MAML3: variants seen among roughly 807,000 people sequenced by gnomAD.
MAML3 encodes the protein mastermind like transcriptional coactivator 3.
MAML3 carries 27 observed loss-of-function variants against 101.9 expected under a neutral mutation model. That is an observed-to-expected ratio of 0.27 (90% confidence interval 0.20 to 0.37). The LOEUF (loss-of-function observed/expected upper bound fraction) is 0.37, where lower values mean the gene tolerates loss of function less well. Among genes scored for constraint, MAML3 ranks in the 10% least tolerant of loss-of-function variants. The pLI is 1.00. For missense variants in MAML3, 1,316 were observed against 1,444.9 expected (o/e 0.91, Z 1.45); for synonymous variants, 501 against 555.9 (o/e 0.90, Z 1.39).
At chr4:139,940,020 T>A (rs1217631653) in intron 1 of MAML3, among the ~76,000 whole-genome samples, 1 of 152,122 alleles carries the variant, frequency 6.6e-6, no homozygotes, top group Non-Finnish European at 1.5e-5. Flanking sequence ...CACCTCGGCC[T>A]CCCAAAGTGC....
chr4:139,732,499 C>G (rs1326921087), intron 2 of MAML3, among the ~76,000 whole-genome samples: 1 of 152,124 alleles, frequency 6.6e-6, no homozygotes, highest in East Asian at 1.9e-4. Context: ...ACCCAAGAAG[C>G]TCTGGTTTGT....
intron 1 of MAML3, among the ~76,000 whole-genome samples, chr4:139,938,638 A>G (rs768182474): frequency 4.6e-5 from 7 of 152,228 alleles, no homozygotes; most frequent in African/African-American, 7.2e-5. Flanking sequence ...TGCATTCTGA[A>G]AAAATGGCAC....
intron 2 of MAML3, among the ~76,000 whole-genome samples, chr4:139,835,702 G>C (rs114786955): frequency 0.027 from 4,068 of 152,280 alleles, 166 homozygotes; most frequent in African/African-American, 0.089. Flanking sequence ...GTAGGGTGAG[G>C]TCTTTGACTT....
intron 1 of MAML3, among the ~76,000 whole-genome samples, chr4:139,922,703 A>G (rs112571460): frequency 0.033 from 4,963 of 152,176 alleles, 277 homozygotes; most frequent in African/African-American, 0.11. Flanking sequence ...CATCTTTCCC[A>G]AGGAAGAGTG....
At chr4:139,769,332 G>A (rs370837697) in intron 2 of MAML3, among the ~76,000 whole-genome samples, 3 of 152,144 alleles carry the variant, frequency 2.0e-5, no homozygotes, top group East Asian at 3.8e-4. Context: ...ACACTCTCCT[G>A]AGAACACATC....
chr4:139,936,930 T>A (rs1185150502), intron 1 of MAML3, among the ~76,000 whole-genome samples: 2 of 152,194 alleles, frequency 1.3e-5, no homozygotes, highest in Non-Finnish European at 2.9e-5. Flanking sequence ...AGAGGCTGAA[T>A]TCAGGAGCCA....
At chr4:139,950,293 G>T (rs1248672345) in intron 1 of MAML3, among the ~76,000 whole-genome samples, 1 of 152,108 alleles carries the variant, frequency 6.6e-6, no homozygotes, top group Non-Finnish European at 1.5e-5. Context: ...GCCTGCCTTG[G>T]TCTCCCAAAG....
chr4:139,951,345 T>C (rs769659), intron 1 of MAML3, among the ~76,000 whole-genome samples: 5,697 of 152,302 alleles, frequency 0.037, 343 homozygotes, highest in African/African-American at 0.13. Context: ...ACAGAGTCAA[T>C]GCACACCAGC....
intron 1 of MAML3, among the ~76,000 whole-genome samples, chr4:140,129,723 T>G (rs1447775826): frequency 1.3e-5 from 2 of 152,088 alleles, no homozygotes; most frequent in Non-Finnish European, 2.9e-5. Context: ...TCCCAGCACT[T>G]TGGGAGGCCG....
At chr4:139,971,317 T>C (rs1397711728) in intron 1 of MAML3, among the ~76,000 whole-genome samples, 1 of 152,246 alleles carries the variant, frequency 6.6e-6, no homozygotes, top group Non-Finnish European at 1.5e-5. Flanking sequence ...CCACAGAAAG[T>C]GTCCAAAGGA....
At position 140,034,508 on chromosome 4, in the gene MAML3, G is replaced by T. The variant is rs537803595; in HGVS notation, c.468+118352C>A. 3.3e-5 allele frequency among the ~76,000 whole-genome samples: 5 copies of T among 152,254 alleles called. No individual in the cohort carries two copies. The East Asian group carries it at 9.7e-4, about 29-fold the overall frequency. On this transcript the variant is annotated intron_variant, in intron 1 of 4. Coordinates refer to ENST00000509479, the MANE Select transcript of MAML3 (RefSeq NM_018717.5). ...GAACAAGGATCAGAAGGAAAGGCTG[G>T]GTGGGCCCAACCTGAGGAGCACCTC...
chr4:140,103,883 T>C (rs1031241126), intron 1 of MAML3, among the ~76,000 whole-genome samples: 2 of 152,158 alleles, frequency 1.3e-5, no homozygotes, highest in Admixed American at 6.5e-5. Flanking sequence ...TGTTGGCTAC[T>C]AGCATATTAA....
intron 2 of MAML3, among the ~76,000 whole-genome samples, chr4:139,769,859 C>T (rs1440010408): frequency 6.6e-6 from 1 of 152,120 alleles, no homozygotes; most frequent in East Asian, 1.9e-4. Context: ...AGGTGATCCA[C>T]CCGCCTTGGC....
intron 1 of MAML3, among the ~76,000 whole-genome samples, chr4:140,152,191 GCGCGCGCTCCCGCGAGCACCCC>G (rs1299552593): frequency 6.6e-6 from 1 of 152,102 alleles, no homozygotes; most frequent in East Asian, 1.9e-4. Context: ...CCCCGCATCC[GCGCGCGCTCCCGCGAGCACCCC>G]CGCGCGCAGC....
chr4:139,933,956 T>C (rs1203931789), intron 1 of MAML3, among the ~76,000 whole-genome samples: 1 of 152,126 alleles, frequency 6.6e-6, no homozygotes, highest in Non-Finnish European at 1.5e-5. Context: ...TGTGTGAATG[T>C]GTATATCTGT....
chr4:140,007,655 C>T (rs1726473584), intron 1 of MAML3, among the ~76,000 whole-genome samples: 1 of 152,222 alleles, frequency 6.6e-6, no homozygotes, highest in Non-Finnish European at 1.5e-5. Flanking sequence ...TCCAAAGCCA[C>T]CAGCCATTGG....
chr4:139,896,333 T>C (rs1732607439), intron 1 of MAML3, among the ~76,000 whole-genome samples: 1 of 152,202 alleles, frequency 6.6e-6, no homozygotes, highest in Admixed American at 6.5e-5. Context: ...CCGAAGCCTC[T>C]TAGTATGACT....
chr4:139,767,833 C>G (rs1317220331), intron 2 of MAML3, among the ~76,000 whole-genome samples: 2 of 152,218 alleles, frequency 1.3e-5, no homozygotes, highest in Non-Finnish European at 2.9e-5. Context: ...GAGTCTATGA[C>G]TCCAAAAAGG....
intron 1 of MAML3, among the ~76,000 whole-genome samples, chr4:140,136,847 G>A (rs1188694750): frequency 1.3e-5 from 2 of 152,168 alleles, no homozygotes; most frequent in African/African-American, 4.8e-5. Context: ...TGCTAAGAAA[G>A]AGGTTAAAGT....
Sources: gnomAD v4.1 joint callset for allele counts (sites outside exome capture counted in the v4.1 genomes callset) on GRCh38, gnomAD v4.1.1 for gene constraint, MANE v1.5 for transcripts, NCBI Gene and HGNC (gene_info 2026-07-23, HGNC 2026-07-21) for gene names.